The following OR5J2 variants were observed in gnomAD, a reference collection of about 807,000 sequenced individuals.
OR5J2 encodes olfactory receptor family 5 subfamily J member 2.
Under a neutral mutation model 6.7 loss-of-function variants are expected in OR5J2, and 4 were observed. That is an observed-to-expected ratio of 0.60 (90% CI 0.29 to 1.37). The LOEUF (loss-of-function observed/expected upper bound fraction) is 1.37, where lower values mean the gene tolerates loss of function less well. OR5J2 is among the 40% of genes most tolerant of loss of function. The probability of loss-of-function intolerance (pLI) is 0.09; values close to 1 mark genes in which losing one functional copy is unlikely to be tolerated. For synonymous variants in OR5J2, 174 were observed against 140.4 expected (o/e 1.24, Z -1.69); for missense variants, 415 against 366.4 (o/e 1.13, Z -1.08).
Position 56,177,351 on chromosome 11 carries a change from T to C in OR5J2, c.734T>C (p.Leu245Pro), listed in dbSNP as rs1486245220. ...GCCTTCTCCACCTGTGCCTCTCACC[T>C]GACTGCTGTGACCATATTCTATGGT... Reference protein sequence around the residue: ...QQAFSTCASHLTAVTIFYGTL... With the variant: ...QQAFSTCASHPTAVTIFYGTL... The change falls in exon 1 of 1, where the codon CTG becomes CCG. Residue 245 changes from leucine to proline, a missense_variant. Leu to Pro is a moderately conservative substitution (Grantham distance 98, BLOSUM62 -3). Transcript: ENST00000312298. The C allele has an allele frequency of 6.2e-7, 1 of 1,614,068 alleles. No individual in the cohort carries two copies. Among genetic ancestry groups the C allele is most frequent in the Non-Finnish European group, 8.5e-7 (1 of 1,179,962 alleles).
Position 56,177,170 on chromosome 11 carries a change from C to A in OR5J2, c.553C>A (p.Leu185Ile). The A allele has an allele frequency of 6.2e-7, 1 of 1,614,082 alleles. No individual in the cohort carries two copies. Among genetic ancestry groups the A allele is most frequent in the South Asian group, 1.1e-5 (1 of 91,074 alleles). ...SHFFCDIPSL[L>I]KLSCSDTSMN... is the part of the protein sequence containing the mutation. Reference sequence around the variant, plus strand: ...CTTCTTCTGTGACATTCCTTCACTGCTAAAGCTGTCATGTTCTGACACCTC... The same window carrying A: ...CTTCTTCTGTGACATTCCTTCACTGATAAAGCTGTCATGTTCTGACACCTC... The change falls in exon 1 of 1, where the codon CTA (leucine) becomes ATA (isoleucine). Residue 185 changes from leucine (L) to isoleucine (I), a missense_variant. Leu to Ile is a conservative substitution (Grantham distance 5, BLOSUM62 2). Transcript: ENST00000312298.
rs143728764 is a variant in OR5J2 at position 56,177,227 on chromosome 11, G to A, written c.610G>A (p.Gly204Arg). ...MNELLLLTFS[G>R]VIAMATFLTV... ...TGAGTTGTTGCTGTTAACCTTCTCC[G>A]GAGTCATTGCCATGGCCACCTTCTT... The change falls in exon 1 of 1, where the codon GGA becomes AGA. Residue 204 changes from glycine (G) to arginine (R), a missense_variant. Physicochemically the swap from Gly to Arg is moderately radical, Grantham distance 125 (BLOSUM62 -2). Transcript: ENST00000312298. 3.5e-4 allele frequency: 562 copies of A among 1,613,834 alleles called. 1 individual carries two copies. Among genetic ancestry groups the A allele is most frequent in the Non-Finnish European group, 3.4e-4 (398 of 1,179,846 alleles).
Position 56,176,647 on chromosome 11 carries a change from T to C in OR5J2, c.30T>C (p.Thr10=). 6.2e-7 allele frequency: 1 copy of C among 1,608,688 alleles called. No homozygotes were observed. The highest frequency in any genetic ancestry group is 1.3e-5 in the African/African-American group (1 of 74,836). The change falls in exon 1 of 1, where the codon ACT becomes ACC. Residue 10 remains threonine, a synonymous_variant. Coordinates refer to ENST00000312298, the MANE Select transcript of OR5J2 (RefSeq NM_001005492.1). The part of the protein sequence containing the change: MADDNFTVV[T]EFILLGLTDH... ...CTGATGATAATTTTACAGTTGTCAC[T>C]GAGTTTATTCTTTTGGGATTGACAG...
rs746005572 is a variant in OR5J2 at position 56,176,625 on chromosome 11, A to T, written c.8A>T (p.Asp3Val). 18 of 1,594,840 alleles carry T rather than the reference A, an allele frequency of 1.1e-5. No individual in the cohort carries two copies. The highest frequency in any genetic ancestry group is 1.5e-5 in the Non-Finnish European group (17 of 1,168,122). The change falls in exon 1 of 1, where the codon GAT becomes GTT. Residue 3 changes from aspartate to valine, a missense_variant. Asp to Val is a radical substitution (Grantham distance 152). Transcript: ENST00000312298. ...TGAAAAAGAAAGAAACATATGGCTG[A>T]TGATAATTTTACAGTTGTCACTGAG... MA[D>V]DNFTVVTEFI...
chr11:56,176,880 T>G lies in OR5J2; in HGVS notation c.263T>G (p.Val88Gly). The change falls in exon 1 of 1, where the codon GTG becomes GGG. Residue 88 changes from valine to glycine, a missense_variant. Val to Gly is a moderately radical substitution (Grantham distance 109, BLOSUM62 -3). Transcript: ENST00000312298. ...AAAATGCTGGTGAACCTCCTGGTTG[T>G]GAAGGCAACAATTTCTTTCTCTGCT... ...APKMLVNLLV[V>G]KATISFSACM... 6.2e-7 allele frequency: 1 copy of G among 1,614,160 alleles called. No homozygotes were observed. The highest frequency in any genetic ancestry group is 8.5e-7 in the Non-Finnish European group (1 of 1,180,002).
In OR5J2 at chr11:56,177,288, C is replaced by A. The variant is rs1246905890; in HGVS notation, c.671C>A (p.Ala224Asp). The change falls in exon 1 of 1, where the codon GCT (alanine) becomes GAT (aspartate). Residue 224 changes from alanine to aspartate, a missense_variant. By Grantham distance (126) the Ala-to-Asp change is moderately radical. Transcript: ENST00000312298. ...ATTTCCTACATCTTCATTGCTTTTGCTAGCCTAAGGATCCACTCAGCATCA... is the reference window on the plus strand; with the variant it reads ...ATTTCCTACATCTTCATTGCTTTTGATAGCCTAAGGATCCACTCAGCATCA... ...VIISYIFIAFASLRIHSASGR... is the reference protein window; with the variant it reads ...VIISYIFIAFDSLRIHSASGR... 3 of 1,613,896 alleles carry A rather than the reference C, an allele frequency of 1.9e-6. No homozygotes were observed. In the African/African-American group the frequency reaches 4.0e-5, roughly 22 times the overall value.
At position 56,176,670 on chromosome 11, in the gene OR5J2, C is replaced by G. The variant is rs764336948; in HGVS notation, c.53C>G (p.Thr18Arg). ...ACTGAGTTTATTCTTTTGGGATTGA[C>G]AGATCATGCTGAACTAAAAGCTGTG... ...VVTEFILLGL[T>R]DHAELKAVLF... Residue 18 changes from threonine to arginine, a missense_variant, in exon 1 of 1, where the codon ACA becomes AGA. Coordinates refer to ENST00000312298, the MANE Select transcript of OR5J2 (RefSeq NM_001005492.1). 12 of 1,613,438 alleles carry G rather than the reference C, an allele frequency of 7.4e-6. 1 individual carries two copies. Among genetic ancestry groups the G allele is most frequent in the Non-Finnish European group, 8.5e-7 (1 of 1,179,714 alleles).
Position 56,176,830 on chromosome 11 carries a change from C to T in OR5J2, c.213C>T (p.Ala71=). 1 of 1,613,980 alleles carries T rather than the reference C, an allele frequency of 6.2e-7. No homozygotes were observed. Among genetic ancestry groups the T allele is most frequent in the Non-Finnish European group, 8.5e-7 (1 of 1,179,892 alleles). The change falls in exon 1 of 1, where the codon GCC becomes GCT. Residue 71 remains alanine, a synonymous_variant. Coordinates refer to ENST00000312298, the MANE Select transcript of OR5J2 (RefSeq NM_001005492.1). ...TCAGCTGTCTTTCATTTGTGGATGC[C>T]TGCTATTCATCTGCAATTGCACCCA... is the stretch of plus-strand genomic sequence containing the variant. ...FLLSCLSFVD[A]CYSSAIAPKM...
chr11:56,177,262 C>A lies in OR5J2; in HGVS notation c.645C>A (p.Ile215=). The change falls in exon 1 of 1, where the codon ATC becomes ATA. Residue 215 remains isoleucine, a synonymous_variant. Coordinates refer to ENST00000312298, the MANE Select transcript of OR5J2 (RefSeq NM_001005492.1). ...CCATGGCCACCTTCTTGACTGTGAT[C>A]ATTTCCTACATCTTCATTGCTTTTG... ...VIAMATFLTV[I]ISYIFIAFAS... is the part of the protein sequence containing the mutation. 2 of 1,614,060 alleles carry A rather than the reference C, an allele frequency of 1.2e-6. No homozygotes were observed. Among genetic ancestry groups the A allele is most frequent in the East Asian group, 2.2e-5 (1 of 44,868 alleles).
At position 56,177,516 on chromosome 11, in the gene OR5J2, C is replaced by T. The variant is rs1468141582; in HGVS notation, c.899C>T (p.Ala300Val). 2 of 1,606,690 alleles carry T rather than the reference C, an allele frequency of 1.2e-6. No individual in the cohort carries two copies. The highest frequency in any genetic ancestry group is 1.7e-5 in the Admixed American group (1 of 59,862). The change falls in exon 1 of 1, where the codon GCA becomes GTA. Residue 300 changes from alanine to valine, a missense_variant. Physicochemically the swap from Ala to Val is moderately conservative, Grantham distance 64. Transcript: ENST00000312298. Reference sequence around the variant, plus strand: ...TTGAGAAACAAGGACGTAAAGGAGGCAGTGAAAAGGGCCATAGAAATGAAA... The same window carrying T: ...TTGAGAAACAAGGACGTAAAGGAGGTAGTGAAAAGGGCCATAGAAATGAAA... Reference protein sequence around the residue: ...HSLRNKDVKEAVKRAIEMKHF... With the variant: ...HSLRNKDVKEVVKRAIEMKHF...
In OR5J2 at chr11:56,176,702, G is replaced by A. The variant is rs747915792; in HGVS notation, c.85G>A (p.Val29Met). 1.7e-5 allele frequency: 27 copies of A among 1,613,756 alleles called. No homozygotes were observed. The South Asian group carries it at 2.3e-4, about 14-fold the overall frequency. ...DHAELKAVLFVVFLVIYAITL... is the reference protein window; with the variant it reads ...DHAELKAVLFMVFLVIYAITL... Reference sequence around the variant, plus strand: ...TGCTGAACTAAAAGCTGTGCTTTTTGTGGTGTTCCTGGTGATTTACGCCAT... The same window carrying A: ...TGCTGAACTAAAAGCTGTGCTTTTTATGGTGTTCCTGGTGATTTACGCCAT... The change falls in exon 1 of 1, where the codon GTG becomes ATG. Residue 29 changes from valine to methionine, a missense_variant. Coordinates refer to ENST00000312298, the MANE Select transcript of OR5J2 (RefSeq NM_001005492.1).
In OR5J2 at chr11:56,177,105, TGAG is replaced by T. The variant is rs1159843154; in HGVS notation, c.492_494del (p.Arg165del). On this transcript the variant is annotated inframe_deletion, in exon 1 of 1. Coordinates refer to ENST00000312298, the MANE Select transcript of OR5J2 (RefSeq NM_001005492.1). ...AACACATTAATCCACACAATCAGCT[TGAG>T]GAGACTGTCCTTTTGTAGGCTAAAT... is the stretch of plus-strand genomic sequence containing the variant. 1 of 1,614,128 alleles carries T rather than the reference TGAG, an allele frequency of 6.2e-7. No individual in the cohort carries two copies. Among genetic ancestry groups the T allele is most frequent in the Admixed American group, 1.7e-5 (1 of 60,010 alleles).
rs761979289 is a variant in OR5J2 at position 56,176,996 on chromosome 11, G to A, written c.379G>A (p.Val127Met). Residue 127 changes from valine to methionine, a missense_variant, in exon 1 of 1, where the codon GTG (valine) becomes ATG (methionine). Val to Met is a conservative substitution (Grantham distance 21, BLOSUM62 1). Transcript: ENST00000312298. ...GGCCTATGACCGCTATGTGGCCATT[G>A]TGAGTCCCTTGCTTTACACTGTAGC... ...VMAYDRYVAI[V>M]SPLLYTVAMS... is the part of the protein sequence containing the mutation. 3 of 1,614,102 alleles carry A rather than the reference G, an allele frequency of 1.9e-6. No individual in the cohort carries two copies. The highest frequency in any genetic ancestry group is 4.5e-5 in the East Asian group (2 of 44,886).
Position 56,177,322 on chromosome 11 carries a change from G to A in OR5J2, c.705G>A (p.Gln235=), listed in dbSNP as rs1852552819. 8 of 1,613,888 alleles carry A rather than the reference G, an allele frequency of 5.0e-6. No homozygotes were observed. The highest frequency in any genetic ancestry group is 3.3e-5 in the Admixed American group (2 of 59,994). The change falls in exon 1 of 1, where the codon CAG becomes CAA. Residue 235 remains glutamine (Q), a synonymous_variant. Transcript: ENST00000312298. ...SLRIHSASGR[Q]QAFSTCASHL... is the part of the protein sequence containing the mutation. ...GGATCCACTCAGCATCAGGCAGACA[G>A]CAAGCCTTCTCCACCTGTGCCTCTC... is the stretch of plus-strand genomic sequence containing the variant.
rs780151820 is a variant in OR5J2 at position 56,177,501 on chromosome 11, A to C, written c.884A>C (p.Lys295Thr). 6.2e-7 allele frequency: 1 copy of C among 1,610,328 alleles called. No individual in the cohort carries two copies. Among genetic ancestry groups the C allele is most frequent in the Admixed American group, 1.7e-5 (1 of 59,944 alleles). ...CTGTTGATACACAGTTTGAGAAACA[A>C]GGACGTAAAGGAGGCAGTGAAAAGG... ...LNLLIHSLRNKDVKEAVKRAI... is the reference protein window; with the variant it reads ...LNLLIHSLRNTDVKEAVKRAI... Residue 295 changes from lysine (K) to threonine (T), a missense_variant, in exon 1 of 1, where the codon AAG becomes ACG. Coordinates refer to ENST00000312298, the MANE Select transcript of OR5J2 (RefSeq NM_001005492.1).
Position 56,176,666 on chromosome 11 carries a change from T to TGTCAATGC in OR5J2, c.49_50insGTCAATGC (p.Leu17CysfsTer4), listed in dbSNP as rs751185748. The stretch of plus-strand genomic sequence containing the variant: ...TGTCACTGAGTTTATTCTTTTGGGA[T>TGTCAATGC]TGACAGATCATGCTGAACTAAAAGC... On this transcript the variant is annotated frameshift_variant, in exon 1 of 1. Coordinates refer to ENST00000312298, the MANE Select transcript of OR5J2 (RefSeq NM_001005492.1). LOFTEE classifies it low-confidence loss of function (END_TRUNC). 6 of 1,613,666 alleles carry TGTCAATGC rather than the reference T, an allele frequency of 3.7e-6. No individual in the cohort carries two copies. The African/African-American group carries it at 6.7e-5, about 18-fold the overall frequency.
rs900892601 is a variant in OR5J2 at position 56,177,511 on chromosome 11, G to T, written c.894G>T (p.Lys298Asn). Reference sequence around the variant, plus strand: ...ACAGTTTGAGAAACAAGGACGTAAAGGAGGCAGTGAAAAGGGCCATAGAAA... The same window carrying T: ...ACAGTTTGAGAAACAAGGACGTAAATGAGGCAGTGAAAAGGGCCATAGAAA... ...LIHSLRNKDV[K>N]EAVKRAIEMK... Residue 298 changes from lysine to asparagine, a missense_variant, in exon 1 of 1, where the codon AAG becomes AAT. Lys to Asn is a moderately conservative substitution (Grantham distance 94, BLOSUM62 0). Transcript: ENST00000312298. 1.2e-6 allele frequency: 2 copies of T among 1,608,450 alleles called. No individual in the cohort carries two copies. The highest frequency in any genetic ancestry group is 3.3e-5 in the Admixed American group (2 of 59,894).
Position 56,177,326 on chromosome 11 carries a change from GCCTTCT to G in OR5J2, c.712_717del (p.Phe238_Ser239del). ...CCACTCAGCATCAGGCAGACAGCAAGCCTTCTCCACCTGTGCCTCTCACCTGACTGC... is the reference window on the plus strand; with the variant it reads ...CCACTCAGCATCAGGCAGACAGCAAGCCACCTGTGCCTCTCACCTGACTGC... On this transcript the variant is annotated inframe_deletion, in exon 1 of 1. Transcript: ENST00000312298. 1 of 1,613,946 alleles carries G rather than the reference GCCTTCT, an allele frequency of 6.2e-7. No individual in the cohort carries two copies. The highest frequency in any genetic ancestry group is 1.1e-5 in the South Asian group (1 of 91,076).
chr11:56,176,719 T>G lies in OR5J2; in HGVS notation c.102T>G (p.Ile34Met), dbSNP rs544073068. ...TGCTTTTTGTGGTGTTCCTGGTGAT[T>G]TACGCCATTACCTTGTTGAGGAATC... ...KAVLFVVFLV[I>M]YAITLLRNLG... The change falls in exon 1 of 1, where the codon ATT becomes ATG. Residue 34 changes from isoleucine to methionine, a missense_variant. Physicochemically the swap from Ile to Met is conservative, Grantham distance 10. Transcript: ENST00000312298. 6.2e-7 allele frequency: 1 copy of G among 1,613,888 alleles called. No homozygotes were observed. The highest frequency in any genetic ancestry group is 8.5e-7 in the Non-Finnish European group (1 of 1,179,916).
Sources: gnomAD v4.1 joint callset for allele counts on GRCh38, gnomAD v4.1.1 for gene constraint, MANE v1.5 for transcripts, NCBI Gene and HGNC (gene_info 2026-07-23, HGNC 2026-07-21) for gene names.